NUDCD3: variants seen among roughly 807,000 people sequenced by gnomAD.
NUDCD3 encodes NudC domain containing 3.
A neutral mutation model predicts 39.7 loss-of-function variants in NUDCD3; 13 were observed. The observed-to-expected ratio is 0.33, with a 90% CI of 0.21 to 0.52. NUDCD3 has a LOEUF of 0.52. Among genes scored for constraint, NUDCD3 ranks in the 20% least tolerant of loss-of-function variants. NUDCD3 has a pLI of 0.96. For synonymous variants in NUDCD3, 175 were observed against 172.4 expected, an observed-to-expected ratio of 1.02 and a Z score of -0.12; for missense variants, 453 against 458.1, an observed-to-expected ratio of 0.99 and a Z score of 0.10.
chr7:44,467,341 G>A (rs775287698), intron 2 of NUDCD3, among the ~76,000 whole-genome samples: 12 of 152,164 alleles, frequency 7.9e-5, no homozygotes, highest in African/African-American at 2.4e-4. Flanking sequence ...TGGGAACGGC[G>A]AAGCGCCCAC....
chr7:44,415,331 T>C (rs1263055347), intron 3 of NUDCD3, among the ~76,000 whole-genome samples: 1 of 151,982 alleles, frequency 6.6e-6, no homozygotes, highest in East Asian at 1.9e-4. Flanking sequence ...GTGGGTACAC[T>C]GAAGAGAGAG....
chr7:44,394,692 A>C (rs17172882), intron 4 of NUDCD3, among the ~76,000 whole-genome samples: 7,771 of 152,320 alleles, frequency 0.051, 303 homozygotes, highest in African/African-American at 0.11. Flanking sequence ...AACCCTTGGA[A>C]GTAAGGGCCT....
At chr7:44,487,973 TA>T (rs1023645290) in intron 1 of NUDCD3, among the ~76,000 whole-genome samples, 7 of 144,590 alleles carry the variant, frequency 4.8e-5, no homozygotes, top group Non-Finnish European at 9.2e-5. Context: ...AATAAAAAAA[TA>T]AAAAAAAGAA....
chr7:44,418,284 C>T (rs1223994830), intron 3 of NUDCD3, among the ~76,000 whole-genome samples: 1 of 152,102 alleles, frequency 6.6e-6, no homozygotes, highest in Non-Finnish European at 1.5e-5. Flanking sequence ...CAAGTTGCCC[C>T]CACCATACAG....
intron 1 of NUDCD3, among the ~76,000 whole-genome samples, chr7:44,486,313 GACTA>G (rs1182131442): frequency 2.0e-5 from 3 of 152,226 alleles, no homozygotes; most frequent in Non-Finnish European, 2.9e-5. Flanking sequence ...GGTGCTAACA[GACTA>G]ACTGTGTCAA....
At chr7:44,448,299 T>C (rs934617210) in intron 2 of NUDCD3, among the ~76,000 whole-genome samples, 1 of 152,202 alleles carries the variant, frequency 6.6e-6, no homozygotes, top group African/African-American at 2.4e-5. Flanking sequence ...GCAAGTCCTC[T>C]AAGAGCCAGG....
intron 4 of NUDCD3, chr7:44,402,779 T>C (rs899739699): frequency 7.2e-5 from 32 of 441,708 alleles, no homozygotes; most frequent in African/African-American, 5.8e-4. Flanking sequence ...TCTCAGTCCA[T>C]GGAGATGGCA....
chr7:44,467,982 T>C, intron 2 of NUDCD3: 1 of 1,611,934 alleles, frequency 6.2e-7, no homozygotes, highest in Non-Finnish European at 8.5e-7. Context: ...GACCAATATG[T>C]CAAAATTAAG....
intron 3 of NUDCD3, among the ~76,000 whole-genome samples, chr7:44,419,618 A>AG (rs1385700886): frequency 1.3e-5 from 2 of 152,194 alleles, no homozygotes; most frequent in African/African-American, 4.8e-5. Context: ...GCATTAGCCC[A>AG]GTGCCCCTCT....
intron 2 of NUDCD3, among the ~76,000 whole-genome samples, chr7:44,451,360 T>C (rs1799791040): frequency 6.6e-6 from 1 of 152,174 alleles, no homozygotes; most frequent in Admixed American, 6.5e-5. Flanking sequence ...GTTTCATGGG[T>C]ACAGAGTTTC....
Position 44,412,951 on chromosome 7 carries a change from A to AAAAG in NUDCD3, c.643-8372_643-8369dup, listed in dbSNP as rs747223194. On this transcript the variant is annotated intron_variant, in intron 3 of 5. Transcript: ENST00000355451. ...CAAAAAAAAAAAAAAAAGAAAAAAA[A>AAAAG]AAAGAAAGAAACCATTGACCATTGG... Among the ~76,000 whole-genome samples, 283 of 144,384 alleles carry AAAAG rather than the reference A, an allele frequency of 2.0e-3. 7 individuals are homozygous for AAAAG. Among genetic ancestry groups the AAAAG allele is most frequent in the South Asian group, 3.9e-3 (18 of 4,606 alleles). The allele number at this position is 144,384 out of a possible 152,430, so 94.7% of individuals were successfully genotyped here. A position where few individuals can be genotyped will look rare whatever the true frequency, so the allele number is the denominator to read the frequency against.
At chr7:44,450,946 T>C (rs1318563846) in intron 2 of NUDCD3, among the ~76,000 whole-genome samples, 1 of 152,174 alleles carries the variant, frequency 6.6e-6, no homozygotes, top group African/African-American at 2.4e-5. Context: ...AAATTGATTA[T>C]TCATATACAT....
chr7:44,487,944 C>T (rs1157690148), intron 1 of NUDCD3, among the ~76,000 whole-genome samples: 2 of 151,350 alleles, frequency 1.3e-5, no homozygotes, highest in Non-Finnish European at 2.9e-5. Flanking sequence ...CAGAATGAGA[C>T]TCCATCTCAA....
intron 2 of NUDCD3, among the ~76,000 whole-genome samples, chr7:44,448,980 T>C (rs1010159791): frequency 6.6e-6 from 1 of 152,128 alleles, no homozygotes; most frequent in Admixed American, 6.5e-5. Context: ...AGGAAGCTGG[T>C]AGATCTACAG....
At chr7:44,388,969 A>G (rs1798457289) in intron 5 of NUDCD3, among the ~76,000 whole-genome samples, 1 of 152,264 alleles carries the variant, frequency 6.6e-6, no homozygotes, top group Non-Finnish European at 1.5e-5. Flanking sequence ...GTCGCTGCCC[A>G]GTCTACGGGC....
intron 3 of NUDCD3, chr7:44,426,203 T>G (rs1478549445): frequency 4.1e-6 from 4 of 981,374 alleles, no homozygotes; most frequent in Non-Finnish European, 2.4e-6. Context: ...TGAAGAAAAA[T>G]AAATTTTGTG....
At chr7:44,433,591 T>C (rs1466032056) in intron 2 of NUDCD3, among the ~76,000 whole-genome samples, 1 of 152,166 alleles carries the variant, frequency 6.6e-6, no homozygotes, top group Non-Finnish European at 1.5e-5. Context: ...AGGTATAGTA[T>C]GGGCACGCAG....
intron 1 of NUDCD3, among the ~76,000 whole-genome samples, chr7:44,488,338 GAAAAAA>G (rs368893785): frequency 9.2e-6 from 1 of 108,252 alleles, no homozygotes; most frequent in African/African-American, 3.5e-5. Flanking sequence ...CCATCTCCAG[GAAAAAA>G]AAAAAAAAAA....
intron 2 of NUDCD3, among the ~76,000 whole-genome samples, chr7:44,443,738 G>A (rs1288773559): frequency 3.3e-5 from 5 of 152,142 alleles, no homozygotes; most frequent in Non-Finnish European, 7.3e-5. Context: ...TCTAAGAGCT[G>A]GATGCTGTTT....
Sources: gnomAD v4.1 joint callset for allele counts (sites outside exome capture counted in the v4.1 genomes callset) on GRCh38, gnomAD v4.1.1 for gene constraint, MANE v1.5 for transcripts, NCBI Gene and HGNC (gene_info 2026-07-23, HGNC 2026-07-21) for gene names.